Variants in DIS3L2 observed in about 807,000 individuals in gnomAD.
DIS3L2 encodes the protein DIS3 like 3'-5' exoribonuclease 2.
In DIS3L2, 34 loss-of-function variants were observed where a neutral mutation model predicts 97.5. The ratio of observed to expected loss-of-function variants is 0.35; its 90% CI spans 0.27 to 0.46. The LOEUF is 0.46. Ranked by LOEUF, DIS3L2 falls within the 20% of genes least tolerant of loss-of-function variation. The pLI is 1.00. For missense variants in DIS3L2, 1,038 were observed against 1,146.0 expected (o/e 0.91, Z 1.36); for synonymous variants, 435 against 445.2 (o/e 0.98, Z 0.29).
chr2:232,053,659 A>G (rs1695468870), intron 5 of DIS3L2, among the ~76,000 whole-genome samples: 1 of 152,184 alleles, frequency 6.6e-6, no homozygotes, highest in South Asian at 2.1e-4. Flanking sequence ...GGAAGCATTG[A>G]CTTATGTTTA....
At chr2:232,339,119 C>T, downstream of DIS3L2, among the ~76,000 whole-genome samples, 1 of 152,268 alleles carries the variant, frequency 6.6e-6, no homozygotes, top group East Asian at 1.9e-4. Flanking sequence ...AGCTGAAGCT[C>T]TCAAGAGTTT....
At chr2:232,289,256 T>G (rs542093226) in intron 13 of DIS3L2, among the ~76,000 whole-genome samples, 9 of 152,066 alleles carry the variant, frequency 5.9e-5, no homozygotes, top group East Asian at 1.9e-4. Context: ...TTTGTTTTTT[T>G]TTTTTGGAGA....
chr2:232,067,507 C>A (rs1695883797), intron 5 of DIS3L2, among the ~76,000 whole-genome samples: 2 of 152,126 alleles, frequency 1.3e-5, no homozygotes. Flanking sequence ...GCATACTCTG[C>A]AAGATATCAA....
intron 7 of DIS3L2, among the ~76,000 whole-genome samples, chr2:232,133,937 G>A (rs1698285709): frequency 8.0e-6 from 1 of 125,604 alleles, no homozygotes; most frequent in East Asian, 2.4e-4. Context: ...GTAGTGAGCT[G>A]AAATCGTGCC....
chr2:232,136,693 G>T lies in DIS3L2; in HGVS notation c.924G>T (p.Trp308Cys). 2 of 1,613,914 alleles carry T rather than the reference G, an allele frequency of 1.2e-6. No homozygotes were observed. The highest frequency in any genetic ancestry group is 1.7e-6 in the Non-Finnish European group (2 of 1,179,884). Residue 308 changes from tryptophan to cysteine, a missense_variant, in exon 8 of 21, where the codon TGG (tryptophan) becomes TGT (cysteine). Coordinates refer to ENST00000325385, the MANE Select transcript of DIS3L2 (RefSeq NM_152383.5). ...NTLFICRIVD[W>C]KEDCNFALGQ... ...TGTTCATCTGCCGCATTGTGGACTG[G>T]AAGGAGGACTGCAATTTTGCCCTGG...
chr2:232,321,208 G>A (rs1482285326), intron 14 of DIS3L2, among the ~76,000 whole-genome samples: 1 of 152,162 alleles, frequency 6.6e-6, no homozygotes, highest in Non-Finnish European at 1.5e-5. Context: ...CAGGGAGTGT[G>A]ACAACCAAGG....
intron 3 of DIS3L2, among the ~76,000 whole-genome samples, chr2:232,023,340 G>A (rs139572305): frequency 4.6e-4 from 70 of 151,848 alleles, no homozygotes; most frequent in African/African-American, 1.5e-3. Context: ...ATTTAAACAT[G>A]GTACAGTGCA....
At chr2:232,247,491 A>ATT (rs1388552085) in intron 11 of DIS3L2, among the ~76,000 whole-genome samples, 3 of 151,662 alleles carry the variant, frequency 2.0e-5, no homozygotes, top group Non-Finnish European at 4.4e-5. Context: ...CTTGTCTTAT[A>ATT]AAGTCACCAG....
chr2:232,120,084 C>G (rs781186213), intron 6 of DIS3L2, among the ~76,000 whole-genome samples: 6 of 152,122 alleles, frequency 3.9e-5, no homozygotes, highest in African/African-American at 7.2e-5. Flanking sequence ...CCAGCCTCTA[C>G]CATAAGATGT....
intron 13 of DIS3L2, among the ~76,000 whole-genome samples, chr2:232,267,199 G>A (rs1240620138): frequency 6.6e-6 from 1 of 152,172 alleles, no homozygotes; most frequent in Non-Finnish European, 1.5e-5. Flanking sequence ...TAGCAGTCTT[G>A]TTTACCCTAG....
At position 232,336,829 on chromosome 2, in the gene DIS3L2, T is replaced by A. The variant is rs1301400151; in HGVS notation, c.*199T>A. 1.4e-6 allele frequency: 2 copies of A among 1,407,366 alleles called. No individual in the cohort carries two copies. Among genetic ancestry groups the A allele is most frequent in the African/African-American group, 2.9e-5 (2 of 68,904 alleles). The allele number at this position is 1,407,366 out of a possible 1,614,324, so 87.2% of individuals were successfully genotyped here. On this transcript the variant is annotated 3_prime_UTR_variant, in exon 21 of 21. Transcript: ENST00000325385. ...TGGGGCTGGAAGGAAGGCTGAGGCC[T>A]GGTCAGCAGTGACCCCAGCAGAGCA...
Position 232,293,666 on chromosome 2 carries a change from G to A in DIS3L2, c.1660-6374G>A, listed in dbSNP as rs1286265626. 6.6e-6 allele frequency among the ~76,000 whole-genome samples: 1 copy of A among 152,152 alleles called. No individual in the cohort carries two copies. The highest frequency in any genetic ancestry group is 6.5e-5 in the Admixed American group (1 of 15,278). ...TCTGTCCTGAGGGCCTCCCTGGCTG[G>A]CACACCCTCCCGAGCACAGGCCCAC... is the stretch of plus-strand genomic sequence containing the variant. On this transcript the variant is annotated intron_variant, in intron 13 of 20. Coordinates refer to ENST00000325385, the MANE Select transcript of DIS3L2 (RefSeq NM_152383.5). This position sits in a 1 kb window ranked among gnomAD's most constrained non-coding sequence, Gnocchi z 4.6.
chr2:232,249,429 G>A, intron 12 of DIS3L2, 83 bp downstream of exon 12: 1 of 1,395,312 alleles, frequency 7.2e-7, no homozygotes. Context: ...GCCTGGCACT[G>A]GCTTGGGTGC....
intron 15 of DIS3L2, 71 bp from the exon 16 acceptor site, chr2:232,330,619 G>A (rs1203969948): frequency 8.7e-5 from 132 of 1,510,660 alleles, no homozygotes; most frequent in East Asian, 4.5e-5. Flanking sequence ...GGTGCTCAGC[G>A]GATGACAGGG....
intron 1 of DIS3L2, among the ~76,000 whole-genome samples, chr2:231,985,837 G>C (rs1486692450): frequency 6.6e-6 from 1 of 152,166 alleles, no homozygotes; most frequent in Non-Finnish European, 1.5e-5. Flanking sequence ...CTAGATAGCT[G>C]GTAAAGTATT....
chr2:232,263,444 AG>A lies in DIS3L2; in HGVS notation c.1659+5del, dbSNP rs1693772912. Reference sequence around the variant, plus strand: ...CGGCGCACTTCGTTTGGATCAGGTCAGTACGTGTTTTTTTAGTGTAGCCAAC... The same window carrying A: ...CGGCGCACTTCGTTTGGATCAGGTCATACGTGTTTTTTTAGTGTAGCCAAC... On this transcript the variant is annotated splice_donor_5th_base_variant and intron_variant, in intron 13 of 20. Coordinates refer to ENST00000325385, the MANE Select transcript of DIS3L2 (RefSeq NM_152383.5). The A allele has an allele frequency of 6.2e-7, 1 of 1,614,078 alleles. No individual in the cohort carries two copies.
At chr2:232,267,074 A>G (rs1222589551) in intron 13 of DIS3L2, among the ~76,000 whole-genome samples, 2 of 152,172 alleles carry the variant, frequency 1.3e-5, no homozygotes, top group African/African-American at 2.4e-5. Flanking sequence ...CAACTTGACC[A>G]TTGTGTATTT....
chr2:232,169,879 T>TA (rs1574922762), intron 9 of DIS3L2, among the ~76,000 whole-genome samples: 1 of 152,224 alleles, frequency 6.6e-6, no homozygotes, highest in East Asian at 1.9e-4. Context: ...ATTGGGGTAA[T>TA]ATTTTGCAAA....
At position 232,094,912 on chromosome 2, in the gene DIS3L2, T is replaced by A. The variant is rs1039358143; in HGVS notation, c.601+7191T>A. Among the ~76,000 whole-genome samples the A allele has an allele frequency of 2.0e-5, 3 of 152,086 alleles. No homozygotes were observed. In the East Asian group the frequency reaches 5.8e-4, roughly 29 times the overall value. Reference sequence around the variant, plus strand: ...CCTTTATCATTATATAGTGATCTTCTTTTTCTCTTCTTATAGTTTTTGCCT... The same window carrying A: ...CCTTTATCATTATATAGTGATCTTCATTTTCTCTTCTTATAGTTTTTGCCT... On this transcript the variant is annotated intron_variant, in intron 6 of 20. Transcript: ENST00000325385.
Sources: gnomAD v4.1 joint callset for allele counts (sites outside exome capture counted in the v4.1 genomes callset) on GRCh38, gnomAD v4.1.1 for gene constraint, Gnocchi (gnomAD v3.1) non-coding constraint, MANE v1.5 for transcripts, NCBI Gene and HGNC (gene_info 2026-07-23, HGNC 2026-07-21) for gene names.